The following SCN8A variants were observed in gnomAD, a reference collection of about 807,000 sequenced individuals.
The protein encoded by SCN8A is sodium voltage-gated channel alpha subunit 8.
Under a neutral mutation model 184.1 loss-of-function variants are expected in SCN8A, and 30 were observed. The observed-to-expected ratio is 0.16, with a 90% CI of 0.12 to 0.22. The LOEUF (loss-of-function observed/expected upper bound fraction) is 0.22, where lower values mean the gene tolerates loss of function less well. SCN8A is among the 10% of genes least tolerant of loss of function. SCN8A has a pLI of 1.00. For synonymous variants in SCN8A, 852 were observed against 907.0 expected (o/e 0.94, Z 1.09); for missense variants, 1,057 against 2,498.9 (o/e 0.42, Z 12.30).
At chr12:51,605,552 CAT>C (rs761351353) in intron 1 of SCN8A, among the ~76,000 whole-genome samples, 13 of 152,206 alleles carry the variant, frequency 8.5e-5, no homozygotes, top group East Asian at 3.8e-4. Context: ...CTGCTATAAA[CAT>C]GTGTGTGCAA....
intron 1 of SCN8A, among the ~76,000 whole-genome samples, chr12:51,642,019 C>T (rs1036677402): frequency 1.3e-5 from 2 of 152,184 alleles, no homozygotes; most frequent in South Asian, 2.1e-4. Flanking sequence ...ACTTTTTGCC[C>T]GCATTGTATA....
intron 1 of SCN8A, among the ~76,000 whole-genome samples, chr12:51,602,032 G>A (rs1371877330): frequency 1.3e-5 from 2 of 151,914 alleles, no homozygotes; most frequent in Admixed American, 1.3e-4. Flanking sequence ...TTATATGGAT[G>A]TTGAGTGGTC....
chr12:51,697,369 T>C (rs560549116), intron 6 of SCN8A, among the ~76,000 whole-genome samples: 11 of 152,344 alleles, frequency 7.2e-5, no homozygotes, highest in African/African-American at 2.6e-4. Context: ...AACTTTCTCA[T>C]TCATTTACTC....
At chr12:51,672,172 C>T (rs982437189) in intron 2 of SCN8A, among the ~76,000 whole-genome samples, 1 of 152,084 alleles carries the variant, frequency 6.6e-6, no homozygotes, top group Non-Finnish European at 1.5e-5. Flanking sequence ...ACCTCCTGTC[C>T]CCAGGTAGTC....
chr12:51,645,166 C>G (rs1305826926), intron 1 of SCN8A, among the ~76,000 whole-genome samples: 2 of 149,668 alleles, frequency 1.3e-5, no homozygotes, highest in Non-Finnish European at 3.0e-5. Context: ...AGTGAGGAGC[C>G]CCTCTGCCCG....
chr12:51,668,140 G>A (rs866049497), intron 2 of SCN8A, among the ~76,000 whole-genome samples: 6 of 148,756 alleles, frequency 4.0e-5, no homozygotes, highest in Admixed American at 1.3e-4. Context: ...CCGAGATCAC[G>A]CCATCGCACT....
intron 12 of SCN8A, among the ~76,000 whole-genome samples, chr12:51,736,054 G>A (rs1942320760): frequency 1.3e-5 from 2 of 152,130 alleles, no homozygotes; most frequent in African/African-American, 2.4e-5. Flanking sequence ...TGCATTTGTG[G>A]GGGTTCAGTA....
At chr12:51,712,513 A>C (rs1448294957) in intron 11 of SCN8A, 12 of 772,874 alleles carry the variant, frequency 1.6e-5, no homozygotes, top group Non-Finnish European at 2.8e-5. Flanking sequence ...ATGCATAACC[A>C]CCACCATAGG....
chr12:51,659,171 G>T (rs1044141812), intron 1 of SCN8A, among the ~76,000 whole-genome samples: 2 of 152,174 alleles, frequency 1.3e-5, no homozygotes, highest in African/African-American at 4.8e-5. Flanking sequence ...ACACATATAA[G>T]AAGATGAATT....
rs984114663 is a variant in SCN8A, at chr12:51,810,523, T to C, written c.*3094T>C. 4.0e-6 allele frequency: 1 copy of C among 253,146 alleles called. No homozygotes were observed. Among genetic ancestry groups the C allele is most frequent in the Non-Finnish European group, 7.9e-6 (1 of 127,240 alleles). 15.7% of individuals were successfully genotyped at this position (253,146 alleles called of 1,614,324 possible). On this transcript the variant is annotated 3_prime_UTR_variant, in exon 27 of 27. Transcript: ENST00000627620. Reference sequence around the variant, plus strand: ...AGCGCAGCCACAGTATCACTGCACATATATATATAGATATATAAATATAAT... The same window carrying C: ...AGCGCAGCCACAGTATCACTGCACACATATATATAGATATATAAATATAAT...
intron 12 of SCN8A, among the ~76,000 whole-genome samples, chr12:51,731,247 T>C (rs1018734154): frequency 6.8e-6 from 1 of 146,494 alleles, no homozygotes; most frequent in Non-Finnish European, 1.5e-5. Flanking sequence ...TTTCTTCTTC[T>C]TTTTTTTTTT....
chr12:51,688,705 C>G, intron 5 of SCN8A: 2 of 1,340,528 alleles, frequency 1.5e-6, no homozygotes, highest in South Asian at 2.4e-5. Context: ...CCCCCATTCT[C>G]AAACCCTCGC....
In SCN8A at chr12:51,662,937, C is replaced by T. The variant is rs145881860; in HGVS notation, c.120C>T (p.Ala40=). 3.7e-5 allele frequency: 60 copies of T among 1,614,004 alleles called. 1 individual carries two copies. Among genetic ancestry groups the T allele is most frequent in the Middle Eastern group, 1.6e-4 (1 of 6,062 alleles). ...AESKLKKPPK[A]DGSHREDDED... is the part of the protein sequence containing the mutation. ...GCAAGCTCAAGAAACCACCAAAGGCCGATGGCAGTCATCGGGAGGACGATG... is the reference window on the plus strand; with the variant it reads ...GCAAGCTCAAGAAACCACCAAAGGCTGATGGCAGTCATCGGGAGGACGATG... The change falls in exon 2 of 27, where the codon GCC becomes GCT. Residue 40 remains alanine, a synonymous_variant. Coordinates refer to ENST00000627620, the MANE Select transcript of SCN8A (RefSeq NM_001330260.2).
chr12:51,696,954 G>T (rs1006914777), intron 6 of SCN8A, among the ~76,000 whole-genome samples: 2 of 149,836 alleles, frequency 1.3e-5, no homozygotes, highest in African/African-American at 2.5e-5. Context: ...CAGGAGAATC[G>T]CTTGAACCCA....
At chr12:51,636,227 A>G (rs1592344476) in intron 1 of SCN8A, among the ~76,000 whole-genome samples, 1 of 152,182 alleles carries the variant, frequency 6.6e-6, no homozygotes, top group East Asian at 1.9e-4. Context: ...TGATCTCCTG[A>G]CCTCGTGATC....
At chr12:51,594,676 A>C (rs2138544942) in intron 1 of SCN8A, among the ~76,000 whole-genome samples, 1 of 152,322 alleles carries the variant, frequency 6.6e-6, no homozygotes, top group South Asian at 2.1e-4. Context: ...TATTGCAGAA[A>C]AATTTTAATA....
intron 14 of SCN8A, among the ~76,000 whole-genome samples, chr12:51,757,714 A>G (rs2138849619): frequency 6.6e-6 from 1 of 152,296 alleles, no homozygotes; most frequent in East Asian, 1.9e-4. Flanking sequence ...TTGAGCCTAG[A>G]ATTTCAAAGC....
rs557055698 is a variant in SCN8A at position 51,801,912 on chromosome 12, G to A, written c.4796-4370G>A. Among the ~76,000 whole-genome samples the A allele has an allele frequency of 7.9e-5, 12 of 152,088 alleles. 1 individual carries two copies. The South Asian group carries it at 1.0e-3, about 13-fold the overall frequency. ...TCTACTAAAAATACAAAAATTAGCC[G>A]GGCATGGTGGCATGCACCTGTAACC... is the stretch of plus-strand genomic sequence containing the variant. On this transcript the variant is annotated intron_variant, in intron 26 of 26. Transcript: ENST00000627620.
chr12:51,721,122 T>TATATA (rs1942052059), intron 11 of SCN8A, among the ~76,000 whole-genome samples: 5 of 106,090 alleles, frequency 4.7e-5, no homozygotes, highest in Non-Finnish European at 9.0e-5. Flanking sequence ...TTATTTATTG[T>TATATA]TATATATATA....
Sources: allele counts gnomAD v4.1 joint callset (sites outside exome capture counted in the v4.1 genomes callset), GRCh38; gene constraint gnomAD v4.1.1; transcripts MANE v1.5; gene names NCBI Gene and HGNC (gene_info 2026-07-23, HGNC 2026-07-21).